The following PIP4K2A variants were observed in gnomAD, a reference collection of about 807,000 sequenced individuals.
The protein encoded by PIP4K2A is phosphatidylinositol 5-phosphate 4-kinase type-2 alpha.
A neutral mutation model predicts 42.9 loss-of-function variants in PIP4K2A; 14 were observed. That is an observed-to-expected ratio of 0.33 (90% CI 0.22 to 0.51). The LOEUF (loss-of-function observed/expected upper bound fraction) is 0.51, where lower values mean the gene tolerates loss of function less well. PIP4K2A is among the 20% of genes least tolerant of loss of function. The pLI is 0.97. For missense variants in PIP4K2A, 434 were observed against 519.8 expected (o/e 0.83, Z 1.61); for synonymous variants, 192 against 192.2 (o/e 1.00, Z 0.01).
rs1833974196 is a variant in PIP4K2A at position 22,714,486 on chromosome 10, C to G, written c.-160G>C. 1 of 213,348 alleles carries G rather than the reference C, an allele frequency of 4.7e-6. No individual in the cohort carries two copies. The highest frequency in any genetic ancestry group is 7.9e-6 in the Non-Finnish European group (1 of 126,986). The allele number at this position is 213,348 out of a possible 1,614,324, so 13.2% of individuals were successfully genotyped here. A position where few individuals can be genotyped will look rare whatever the true frequency, so the allele number is the denominator to read the frequency against. On this transcript the variant is annotated 5_prime_UTR_variant, in exon 1 of 10. Coordinates refer to ENST00000376573, the MANE Select transcript of PIP4K2A (RefSeq NM_005028.5). Reference sequence around the variant, plus strand: ...CGCCGGCGCGCTCAGCCCCACTCGGCTCGCTCCGCCCGCTCGGCCCGGCAG... The same window carrying G: ...CGCCGGCGCGCTCAGCCCCACTCGGGTCGCTCCGCCCGCTCGGCCCGGCAG...
chr10:22,607,632 C>T lies in PIP4K2A; in HGVS notation c.339+295G>A, dbSNP rs114707152. Among the ~76,000 whole-genome samples, 288 of 152,200 alleles carry T rather than the reference C, an allele frequency of 1.9e-3. 1 individual carries two copies. The highest frequency in any genetic ancestry group is 6.8e-3 in the African/African-American group (282 of 41,530). On this transcript the variant is annotated intron_variant, in intron 3 of 9. Coordinates refer to ENST00000376573, the MANE Select transcript of PIP4K2A (RefSeq NM_005028.5). ...GAAATTAACAGGCAGCTCTGCTAGC[C>T]TGTTAATTTCCACCTGGAAATGAGA...
chr10:22,674,143 C>G (rs1839509227), intron 1 of PIP4K2A, among the ~76,000 whole-genome samples: 1 of 152,134 alleles, frequency 6.6e-6, no homozygotes, highest in Admixed American at 6.5e-5. Flanking sequence ...AGACTAACAA[C>G]CAAACATTTA....
At chr10:22,706,044 T>C (rs912616928) in intron 1 of PIP4K2A, among the ~76,000 whole-genome samples, 4 of 151,762 alleles carry the variant, frequency 2.6e-5, no homozygotes, top group African/African-American at 9.7e-5. Context: ...TTTAAAATCA[T>C]TAGGTCTCGT....
intron 3 of PIP4K2A, among the ~76,000 whole-genome samples, chr10:22,600,640 G>A (rs1230532571): frequency 6.6e-6 from 1 of 152,122 alleles, no homozygotes; most frequent in Non-Finnish European, 1.5e-5. Flanking sequence ...TGACAGCTCA[G>A]GATTATGATT....
chr10:22,636,577 C>A (rs1279539708), intron 1 of PIP4K2A, among the ~76,000 whole-genome samples: 2 of 152,192 alleles, frequency 1.3e-5, no homozygotes, highest in Non-Finnish European at 2.9e-5. Flanking sequence ...ACTTATTATG[C>A]ACTCACCTCA....
chr10:22,546,413 A>C (rs918719374), intron 7 of PIP4K2A, among the ~76,000 whole-genome samples: 2 of 151,980 alleles, frequency 1.3e-5, no homozygotes, highest in African/African-American at 4.8e-5. Flanking sequence ...CATCTTCAAA[A>C]CGTTAAATTT....
chr10:22,625,489 T>A (rs1484005876), intron 1 of PIP4K2A, among the ~76,000 whole-genome samples: 3 of 152,220 alleles, frequency 2.0e-5, no homozygotes, highest in African/African-American at 7.2e-5. Flanking sequence ...TAAACACAGC[T>A]ATGTGATCCA....
intron 4 of PIP4K2A, among the ~76,000 whole-genome samples, chr10:22,576,992 C>T (rs1282826992): frequency 6.9e-6 from 1 of 145,794 alleles, no homozygotes; most frequent in Non-Finnish European, 1.5e-5. Flanking sequence ...GCAGGAGAAT[C>T]GTTTGAATTT....
chr10:22,617,212 T>C lies in PIP4K2A; in HGVS notation c.145-7495A>G, dbSNP rs374133509. Among the ~76,000 whole-genome samples, 21 of 152,344 alleles carry C rather than the reference T, an allele frequency of 1.4e-4. No homozygotes were observed. The East Asian group carries it at 2.9e-3, about 21-fold the overall frequency. On this transcript the variant is annotated intron_variant, in intron 1 of 9. Coordinates refer to ENST00000376573, the MANE Select transcript of PIP4K2A (RefSeq NM_005028.5). ...CTGCAATGAGTATCACTCCTGCAGA[T>C]GTAAGACTAAATTCACACTGGCAGG...
intron 4 of PIP4K2A, among the ~76,000 whole-genome samples, chr10:22,580,846 T>C (rs1409495248): frequency 6.6e-6 from 1 of 152,214 alleles, no homozygotes; most frequent in African/African-American, 2.4e-5. Context: ...ATCAACACAG[T>C]TGTCCCTTTC....
At chr10:22,552,519 A>C (rs901053803) in intron 6 of PIP4K2A, among the ~76,000 whole-genome samples, 9 of 152,158 alleles carry the variant, frequency 5.9e-5, no homozygotes, top group Non-Finnish European at 1.3e-4. Context: ...ACAATATTAA[A>C]ATGTTTGAGT....
At chr10:22,541,423 A>G (rs188485043) in intron 8 of PIP4K2A, among the ~76,000 whole-genome samples, 1 of 152,228 alleles carries the variant, frequency 6.6e-6, no homozygotes, top group African/African-American at 2.4e-5. Context: ...AAACGTATTA[A>G]TATTTTAAAG....
At chr10:22,629,833 T>C (rs1838513998) in intron 1 of PIP4K2A, among the ~76,000 whole-genome samples, 1 of 152,212 alleles carries the variant, frequency 6.6e-6, no homozygotes, top group African/African-American at 2.4e-5. Flanking sequence ...CATGTGATAA[T>C]AAAAGTGTTC....
chr10:22,584,986 G>A (rs1837360672), intron 4 of PIP4K2A, among the ~76,000 whole-genome samples: 1 of 152,154 alleles, frequency 6.6e-6, no homozygotes, highest in Non-Finnish European at 1.5e-5. Context: ...TCACCTGGGG[G>A]CCTGGTAGAA....
At chr10:22,621,247 G>C (rs1838324772) in intron 1 of PIP4K2A, among the ~76,000 whole-genome samples, 1 of 152,152 alleles carries the variant, frequency 6.6e-6, no homozygotes, top group South Asian at 2.1e-4. Flanking sequence ...CCCTAAGCTA[G>C]AGGAAGGTAA....
At position 22,582,317 on chromosome 10, in the gene PIP4K2A, C is replaced by T. The variant is rs375485000; in HGVS notation, c.493-8860G>A. Among the ~76,000 whole-genome samples, 10 of 151,972 alleles carry T rather than the reference C, an allele frequency of 6.6e-5. 1 individual carries two copies. Among genetic ancestry groups the T allele is most frequent in the South Asian group, 2.1e-4 (1 of 4,812 alleles). ...GTTTCCTTTGCCCTTAGGCACTCAC[C>T]GAGAATAATAAGGGTTATGAAGCCC... On this transcript the variant is annotated intron_variant, in intron 4 of 9. Transcript: ENST00000376573.
chr10:22,626,741 T>C (rs1838448448), intron 1 of PIP4K2A, among the ~76,000 whole-genome samples: 1 of 152,204 alleles, frequency 6.6e-6, no homozygotes. Context: ...GCTCAATTTC[T>C]TTTTCATAGC....
At chr10:22,636,013 C>T (rs146605323) in intron 1 of PIP4K2A, among the ~76,000 whole-genome samples, 176 of 152,196 alleles carry the variant, frequency 1.2e-3, no homozygotes, top group African/African-American at 3.9e-3. Flanking sequence ...TAGAAGTAAT[C>T]GGCAAAGAGA....
chr10:22,618,136 C>T (rs894058167), intron 1 of PIP4K2A, among the ~76,000 whole-genome samples: 7 of 152,166 alleles, frequency 4.6e-5, no homozygotes, highest in African/African-American at 1.4e-4. Flanking sequence ...AATGGATGCT[C>T]GCTAGGTTCA....
Sources: gnomAD v4.1 joint callset for allele counts (sites outside exome capture counted in the v4.1 genomes callset) on GRCh38, gnomAD v4.1.1 for gene constraint, MANE v1.5 for transcripts, NCBI Gene and HGNC (gene_info 2026-07-23, HGNC 2026-07-21) for gene names.